The following FHOD3 variants were observed in gnomAD, a reference collection of about 807,000 sequenced individuals.
The protein encoded by FHOD3 is FH1/FH2 domain-containing protein 3.
Under a neutral mutation model 173.0 loss-of-function variants are expected in FHOD3, and 90 were observed. The observed-to-expected ratio is 0.52, with a 90% CI of 0.44 to 0.62. The LOEUF is 0.62. Among genes scored for constraint, FHOD3 ranks in the 20% least tolerant of loss-of-function variants. FHOD3 has a pLI of 0.00. For synonymous variants in FHOD3, 828 were observed against 823.0 expected (o/e 1.01, Z -0.10); for missense variants, 1,945 against 2,034.7 (o/e 0.96, Z 0.85).
intron 3 of FHOD3, among the ~76,000 whole-genome samples, chr18:36,449,879 C>T (rs934724395): frequency 7.2e-5 from 11 of 151,746 alleles, no homozygotes; most frequent in Admixed American, 7.2e-4. Context: ...ATGAAAATGA[C>T]CATATTTCTT....
chr18:36,718,298 G>C lies in FHOD3; in HGVS notation c.3000G>C (p.Leu1000=). 1 of 1,614,132 alleles carries C rather than the reference G, an allele frequency of 6.2e-7. No individual in the cohort carries two copies. Among genetic ancestry groups the C allele is most frequent in the Non-Finnish European group, 8.5e-7 (1 of 1,180,020 alleles). ...LRIQDMDFTD[L]GEEDDIDVLD... ...TCCAAGACATGGATTTCACTGACCT[G>C]GGGGAGGAGGATGACATTGATGTCC... Residue 1000 remains leucine (L), a synonymous_variant, in exon 19 of 29, where the codon CTG becomes CTC. Coordinates refer to ENST00000590592, the MANE Select transcript of FHOD3 (RefSeq NM_001281740.3).
At chr18:36,518,638 T>C (rs1275244873) in intron 5 of FHOD3, among the ~76,000 whole-genome samples, 1 of 152,208 alleles carries the variant, frequency 6.6e-6, no homozygotes, top group Non-Finnish European at 1.5e-5. Context: ...TTGTGAATTA[T>C]GAACATTTAA....
intron 28 of FHOD3, among the ~76,000 whole-genome samples, chr18:36,770,971 T>A (rs1209454581): frequency 2.0e-5 from 3 of 152,224 alleles, no homozygotes; most frequent in Admixed American, 2.0e-4. Flanking sequence ...GGCTTGTACA[T>A]CTTCAAGAAT....
intron 5 of FHOD3, among the ~76,000 whole-genome samples, chr18:36,514,651 G>C (rs936648830): frequency 3.3e-5 from 5 of 152,164 alleles, no homozygotes; most frequent in African/African-American, 7.2e-5. Flanking sequence ...CCAACACACA[G>C]AGACACACCT....
chr18:36,776,595 C>T (rs1299279912), intron 28 of FHOD3, among the ~76,000 whole-genome samples: 1 of 152,080 alleles, frequency 6.6e-6, no homozygotes, highest in Admixed American at 6.5e-5. Context: ...TTCAAATTGC[C>T]ATGGAGGTCC....
intron 5 of FHOD3, among the ~76,000 whole-genome samples, chr18:36,556,834 A>G (rs938562634): frequency 2.0e-5 from 3 of 152,162 alleles, no homozygotes; most frequent in Non-Finnish European, 2.9e-5. Context: ...CATATGCCCA[A>G]AGGATTTCCT....
At chr18:36,531,328 C>G (rs566852830) in intron 5 of FHOD3, among the ~76,000 whole-genome samples, 1 of 152,160 alleles carries the variant, frequency 6.6e-6, no homozygotes, top group South Asian at 2.1e-4. Context: ...TGCTCCCTCC[C>G]GAGGGATGCT....
intron 17 of FHOD3, among the ~76,000 whole-genome samples, chr18:36,708,802 T>C (rs1024097098): frequency 2.6e-5 from 4 of 152,210 alleles, no homozygotes; most frequent in African/African-American, 9.7e-5. Context: ...GACTTCCTTT[T>C]CTGCTGCCAA....
chr18:36,723,621 C>T (rs552636517), intron 19 of FHOD3, among the ~76,000 whole-genome samples: 29 of 152,248 alleles, frequency 1.9e-4, no homozygotes, highest in Admixed American at 6.5e-4. Flanking sequence ...TCTCTGAGCC[C>T]GACCCAAGGT....
At chr18:36,575,042 C>T (rs2058597094) in intron 5 of FHOD3, among the ~76,000 whole-genome samples, 1 of 151,696 alleles carries the variant, frequency 6.6e-6, no homozygotes, top group African/African-American at 2.4e-5. Context: ...GCGATCTTGG[C>T]TCACTGCCAC....
chr18:36,524,278 C>A (rs62082324), intron 5 of FHOD3, among the ~76,000 whole-genome samples: 1 of 121,242 alleles, frequency 8.2e-6, no homozygotes, highest in Non-Finnish European at 1.9e-5. Flanking sequence ...TGAGGCTCTA[C>A]CTCAAAAAAA....
intron 3 of FHOD3, among the ~76,000 whole-genome samples, chr18:36,490,591 A>T (rs1015854597): frequency 6.6e-6 from 1 of 152,144 alleles, no homozygotes; most frequent in Non-Finnish European, 1.5e-5. Flanking sequence ...TTTGAAGGCC[A>T]TTTGCCTCCT....
intron 6 of FHOD3, among the ~76,000 whole-genome samples, chr18:36,583,652 C>T (rs2058930587): frequency 6.6e-6 from 1 of 152,116 alleles, no homozygotes; most frequent in Non-Finnish European, 1.5e-5. Context: ...CCCAGCCCTG[C>T]CCCCAGCTTC....
intron 2 of FHOD3, among the ~76,000 whole-genome samples, chr18:36,359,765 T>C (rs1344883117): frequency 2.6e-5 from 4 of 152,178 alleles, no homozygotes; most frequent in African/African-American, 9.7e-5. Context: ...TCTCTGAACC[T>C]CAGTTTCCTT....
chr18:36,694,174 CT>C (rs555789465), intron 17 of FHOD3, among the ~76,000 whole-genome samples: 339 of 152,334 alleles, frequency 2.2e-3, no homozygotes, highest in Non-Finnish European at 3.7e-3. Flanking sequence ...CCTGCTAGCA[CT>C]GTTTGCTTTA....
chr18:36,438,550 T>G (rs1395917880), intron 3 of FHOD3, among the ~76,000 whole-genome samples: 2 of 152,168 alleles, frequency 1.3e-5, no homozygotes, highest in African/African-American at 4.8e-5. Context: ...ATGTCAAATC[T>G]AGCAGCCCCT....
At chr18:36,465,353 A>G (rs1168537220) in intron 3 of FHOD3, among the ~76,000 whole-genome samples, 1 of 152,074 alleles carries the variant, frequency 6.6e-6, no homozygotes, top group South Asian at 2.1e-4. Context: ...CACGGATCTC[A>G]TACCCTAAGA....
At chr18:36,313,601 A>T (rs1447348407) in intron 1 of FHOD3, among the ~76,000 whole-genome samples, 1 of 152,162 alleles carries the variant, frequency 6.6e-6, no homozygotes, top group East Asian at 1.9e-4. Context: ...GTGCTTCAGG[A>T]GTTCCTGCCT....
At chr18:36,312,947 G>A (rs1439084046) in intron 1 of FHOD3, among the ~76,000 whole-genome samples, 11 of 152,170 alleles carry the variant, frequency 7.2e-5, no homozygotes, top group South Asian at 2.1e-4. Flanking sequence ...GATCATGGCC[G>A]GCCCTGGTAT....
Sources: gnomAD v4.1 joint callset for allele counts (sites outside exome capture counted in the v4.1 genomes callset) on GRCh38, gnomAD v4.1.1 for gene constraint, MANE v1.5 for transcripts, NCBI Gene and HGNC (gene_info 2026-07-23, HGNC 2026-07-21) for gene names.